The following GALNT17 variants were observed in gnomAD, a reference collection of about 807,000 sequenced individuals.
GALNT17 encodes UDP-GalNAc:polypeptide N-acetylgalactosaminyltransferase-like 3.
Under a neutral mutation model 63.7 loss-of-function variants are expected in GALNT17, and 29 were observed. That is an observed-to-expected ratio of 0.46 (90% CI 0.34 to 0.62). The LOEUF (loss-of-function observed/expected upper bound fraction) is 0.62, where lower values mean the gene tolerates loss of function less well. GALNT17 is among the 20% of genes least tolerant of loss of function. GALNT17 has a pLI of 0.01. For synonymous variants in GALNT17, 305 were observed against 318.3 expected, an observed-to-expected ratio of 0.96 and a Z score of 0.45; for missense variants, 603 against 799.6, an observed-to-expected ratio of 0.75 and a Z score of 2.97.
intron 5 of GALNT17, among the ~76,000 whole-genome samples, chr7:71,512,499 A>G (rs1788376968): frequency 6.6e-6 from 1 of 152,150 alleles, no homozygotes; most frequent in Admixed American, 6.5e-5. Context: ...GCCTTCTGGG[A>G]AGATGTTCTT....
At chr7:71,672,375 G>A (rs1345866699) in intron 8 of GALNT17, among the ~76,000 whole-genome samples, 1 of 152,168 alleles carries the variant, frequency 6.6e-6, no homozygotes, top group South Asian at 2.1e-4. Context: ...ATGAGGAAGG[G>A]CTTTCTAAGA....
At position 71,292,702 on chromosome 7, in the gene GALNT17, TGTGTGTGTGTTG is replaced by T. The variant is rs1791005227; in HGVS notation, c.239-42846_239-42835del. Among the ~76,000 whole-genome samples, 3 of 149,264 alleles carry T rather than the reference TGTGTGTGTGTTG, an allele frequency of 2.0e-5. No homozygotes were observed. The South Asian group carries it at 6.3e-4, about 31-fold the overall frequency. ...GTGTGTGTGTGTGTGTGTGTGTGTG[TGTGTGTGTGTTG>T]GGCAGATTTAAGATCTATCCTCTTA... On this transcript the variant is annotated intron_variant, in intron 1 of 10. Coordinates refer to ENST00000333538, the MANE Select transcript of GALNT17 (RefSeq NM_022479.3).
intron 1 of GALNT17, among the ~76,000 whole-genome samples, chr7:71,201,002 G>T (rs1053753648): frequency 2.0e-5 from 3 of 151,734 alleles, no homozygotes; most frequent in African/African-American, 2.4e-5. Context: ...TCTTCCCAAA[G>T]AATTCAGGCA....
At chr7:71,187,870 A>G (rs781275188) in intron 1 of GALNT17, among the ~76,000 whole-genome samples, 1 of 152,198 alleles carries the variant, frequency 6.6e-6, no homozygotes, top group African/African-American at 2.4e-5. Flanking sequence ...CTCAATTTGT[A>G]GTCTTCCCAC....
At chr7:71,533,538 G>T (rs1225943081) in intron 5 of GALNT17, among the ~76,000 whole-genome samples, 1 of 152,130 alleles carries the variant, frequency 6.6e-6, no homozygotes. Flanking sequence ...TTAACAGCTG[G>T]GGGGCAGAAC....
intron 2 of GALNT17, among the ~76,000 whole-genome samples, chr7:71,338,220 A>C (rs1025602438): frequency 1.3e-5 from 2 of 151,366 alleles, no homozygotes; most frequent in East Asian, 4.0e-4. Context: ...CCAGCTACTC[A>C]GGAGGCTGAG....
intron 2 of GALNT17, among the ~76,000 whole-genome samples, chr7:71,380,403 A>G (rs1225064450): frequency 1.3e-5 from 2 of 151,750 alleles, no homozygotes; most frequent in Non-Finnish European, 2.9e-5. Flanking sequence ...TGGTGCCATC[A>G]TGGCCCCCAG....
chr7:71,199,959 T>TA (rs1350300599), intron 1 of GALNT17, among the ~76,000 whole-genome samples: 5 of 152,232 alleles, frequency 3.3e-5, no homozygotes, highest in African/African-American at 1.2e-4. Context: ...TCTTGCTTTC[T>TA]AGTGAGTTGA....
chr7:71,318,724 G>A (rs1352366030), intron 1 of GALNT17, among the ~76,000 whole-genome samples: 2 of 151,996 alleles, frequency 1.3e-5, no homozygotes, highest in African/African-American at 2.4e-5. Context: ...CACCTCTTGC[G>A]GCCCCCTGCA....
intron 1 of GALNT17, among the ~76,000 whole-genome samples, chr7:71,268,152 A>G (rs752909883): frequency 1.3e-4 from 20 of 152,252 alleles, no homozygotes; most frequent in Non-Finnish European, 2.5e-4. Flanking sequence ...AATGGAGGAG[A>G]AAGTTGGAGG....
Position 71,289,488 on chromosome 7 carries a change from C to A in GALNT17, c.239-46062C>A, listed in dbSNP as rs1324748271. Among the ~76,000 whole-genome samples, 4 of 152,266 alleles carry A rather than the reference C, an allele frequency of 2.6e-5. No homozygotes were observed. The East Asian group carries it at 7.7e-4, about 29-fold the overall frequency. On this transcript the variant is annotated intron_variant, in intron 1 of 10. Transcript: ENST00000333538. ...TGTCACCTCATGCCTGTAATCCCAG[C>A]ACTTTGGGAGGCCGAGGAGGGCGGA...
intron 1 of GALNT17, among the ~76,000 whole-genome samples, chr7:71,271,273 G>A (rs764853532): frequency 3.3e-5 from 5 of 152,152 alleles, no homozygotes; most frequent in Non-Finnish European, 5.9e-5. Flanking sequence ...TTCCTGTCAC[G>A]CGCCTTCCAG....
chr7:71,211,191 C>T lies in GALNT17; in HGVS notation c.238+78151C>T, dbSNP rs1339100894. The stretch of plus-strand genomic sequence containing the variant: ...TGAATTGTAGCTCCCAGAATTTCCA[C>T]GTGTTGTGGGAGGGACCCAGGGGGA... On this transcript the variant is annotated intron_variant, in intron 1 of 10. Transcript: ENST00000333538. Among the ~76,000 whole-genome samples, 6 of 151,760 alleles carry T rather than the reference C, an allele frequency of 4.0e-5. No individual in the cohort carries two copies. The East Asian group carries it at 5.8e-4, about 15-fold the overall frequency.
intron 1 of GALNT17, among the ~76,000 whole-genome samples, chr7:71,321,925 C>CTCCT (rs1791622025): frequency 2.4e-5 from 1 of 40,944 alleles, no homozygotes; most frequent in South Asian, 1.2e-3. Context: ...CTTCCTTCCC[C>CTCCT]TCCCTCCCTC....
At chr7:71,343,358 T>C (rs1290770706) in intron 2 of GALNT17, among the ~76,000 whole-genome samples, 2 of 152,376 alleles carry the variant, frequency 1.3e-5, no homozygotes, top group African/African-American at 2.4e-5. Flanking sequence ...AAACAGAACC[T>C]CAAGTTGCTT....
At chr7:71,144,180 T>C (rs1787970800) in intron 1 of GALNT17, among the ~76,000 whole-genome samples, 1 of 152,154 alleles carries the variant, frequency 6.6e-6, no homozygotes, top group Admixed American at 6.5e-5. Context: ...CCACTGTTTC[T>C]AGCTCCCTGT....
intron 5 of GALNT17, among the ~76,000 whole-genome samples, chr7:71,492,532 T>C (rs1371604489): frequency 1.3e-5 from 2 of 152,174 alleles, no homozygotes; most frequent in Non-Finnish European, 1.5e-5. Context: ...GGAGCCACTA[T>C]CCTCATTCAA....
chr7:71,305,852 GA>G (rs1172983834), intron 1 of GALNT17, among the ~76,000 whole-genome samples: 1 of 151,722 alleles, frequency 6.6e-6, no homozygotes, highest in Non-Finnish European at 1.5e-5. Context: ...CTTAAAAAAA[GA>G]AAAAAAATCC....
intron 1 of GALNT17, among the ~76,000 whole-genome samples, chr7:71,270,538 C>CAAAAAAAAA: frequency 1.1e-5 from 1 of 89,206 alleles, no homozygotes; most frequent in Non-Finnish European, 2.1e-5. Context: ...CCCACCCCAC[C>CAAAAAAAAA]AAAAAAAAAA....
Sources: gnomAD v4.1 joint callset for allele counts (sites outside exome capture counted in the v4.1 genomes callset) on GRCh38, gnomAD v4.1.1 for gene constraint, MANE v1.5 for transcripts, NCBI Gene and HGNC (gene_info 2026-07-23, HGNC 2026-07-21) for gene names.